Variants in NAA11 observed in about 807,000 individuals in gnomAD.
NAA11 encodes the protein N-alpha-acetyltransferase 11.
A neutral mutation model predicts 16.1 loss-of-function variants in NAA11; 15 were observed. The observed-to-expected ratio is 0.93, with a 90% CI of 0.62 to 1.44. NAA11 has a LOEUF of 1.44. NAA11 is among the 40% of genes most tolerant of loss of function. The probability of loss-of-function intolerance (pLI) is 0.00; values close to 1 mark genes in which losing one functional copy is unlikely to be tolerated. For synonymous variants in NAA11, 122 were observed against 112.4 expected (o/e 1.09, Z -0.54); for missense variants, 298 against 291.3 (o/e 1.02, Z -0.17).
chr4:79,166,896 C>T, the NAA11 span, among the ~76,000 whole-genome samples: 1 of 146,534 alleles, frequency 6.8e-6, no homozygotes, highest in Non-Finnish European at 1.5e-5. Flanking sequence ...CAGGCATGAG[C>T]CACCATGCCT....
chr4:79,250,208 C>T (rs553259247), intron 2 of NAA11, among the ~76,000 whole-genome samples: 52 of 151,352 alleles, frequency 3.4e-4, no homozygotes, highest in Admixed American at 5.2e-4. Flanking sequence ...TGGGCATGCA[C>T]GGAGATGCAG....
chr4:79,242,690 TG>T (rs1721724528), intron 2 of NAA11, among the ~76,000 whole-genome samples: 1 of 152,228 alleles, frequency 6.6e-6, no homozygotes, highest in Non-Finnish European at 1.5e-5. Flanking sequence ...CTATGAGATT[TG>T]GAAAAAAGGA....
At chr4:79,275,717 T>C (rs1463779413) in intron 2 of NAA11, among the ~76,000 whole-genome samples, 2 of 152,090 alleles carry the variant, frequency 1.3e-5, no homozygotes, top group African/African-American at 4.8e-5. Flanking sequence ...AAGGCTTTAG[T>C]TTCCTAGGGA....
At chr4:79,287,658 CAT>C (rs1008915197) in intron 2 of NAA11, among the ~76,000 whole-genome samples, 3 of 151,192 alleles carry the variant, frequency 2.0e-5, no homozygotes, top group Non-Finnish European at 1.5e-5. Flanking sequence ...GAATGACTGG[CAT>C]GTGTGTGTGT....
intron 2 of NAA11, among the ~76,000 whole-genome samples, chr4:79,266,916 T>G (rs935628279): frequency 2.6e-5 from 4 of 152,224 alleles, no homozygotes; most frequent in Admixed American, 2.0e-4. Flanking sequence ...AGTAAGGTCT[T>G]TTTAAATAAC....
intron 2 of NAA11, among the ~76,000 whole-genome samples, chr4:79,263,635 C>T (rs1259127602): frequency 6.6e-6 from 1 of 152,108 alleles, no homozygotes; most frequent in Non-Finnish European, 1.5e-5. Context: ...TATCAAAAAA[C>T]ACTTTCTCCT....
chr4:79,252,898 C>T (rs1722027477), intron 2 of NAA11, among the ~76,000 whole-genome samples: 1 of 152,122 alleles, frequency 6.6e-6, no homozygotes. Context: ...ATGATATATA[C>T]TTTCAAAAAG....
chr4:79,202,542 G>GCA, the NAA11 span, among the ~76,000 whole-genome samples: 13 of 45,660 alleles, frequency 2.8e-4, no homozygotes, highest in Non-Finnish European at 5.4e-4. Context: ...ACACACACAC[G>GCA]CACACACACA....
chr4:79,266,599 AGAAGCTGACG>A, intron 2 of NAA11, among the ~76,000 whole-genome samples: 1 of 152,324 alleles, frequency 6.6e-6, no homozygotes, highest in Admixed American at 6.5e-5. Context: ...AAGCTCTCAC[AGAAGCTGACG>A]GTTTTGCACT....
At position 79,238,280 on chromosome 4, in the gene NAA11, C is replaced by A. The variant is rs1036439178; in HGVS notation, c.*123-12010G>T. 3.4e-4 allele frequency among the ~76,000 whole-genome samples: 51 copies of A among 152,186 alleles called. 1 individual carries two copies. Among genetic ancestry groups the A allele is most frequent in the Non-Finnish European group, 2.5e-4 (17 of 68,040 alleles). ...CAATTTTCTGAATTAAAAAAGTAAACTATGATAATCCATGTGATTTAATTT... is the reference window on the plus strand; with the variant it reads ...CAATTTTCTGAATTAAAAAAGTAAAATATGATAATCCATGTGATTTAATTT... On this transcript the variant is annotated intron_variant and NMD_transcript_variant, in intron 2 of 2. Transcript: ENST00000511542.
chr4:79,181,983 GAACT>G, the NAA11 span, among the ~76,000 whole-genome samples: 1 of 152,128 alleles, frequency 6.6e-6, no homozygotes, highest in Non-Finnish European at 1.5e-5. Flanking sequence ...TGTGTTTTCT[GAACT>G]AATTGTTAAA....
At chr4:79,286,184 C>G (rs767952934) in intron 2 of NAA11, among the ~76,000 whole-genome samples, 2 of 151,896 alleles carry the variant, frequency 1.3e-5, no homozygotes, top group Non-Finnish European at 2.9e-5. Context: ...TTCTACGAAC[C>G]CACAATGGCT....
intron 2 of NAA11, among the ~76,000 whole-genome samples, chr4:79,288,773 A>C (rs769153492): frequency 1.3e-4 from 20 of 152,194 alleles, no homozygotes; most frequent in Non-Finnish European, 2.4e-4. Flanking sequence ...AAAATCATTT[A>C]AATTTCAGAA....
the NAA11 span, among the ~76,000 whole-genome samples, chr4:79,194,847 G>C: frequency 6.6e-6 from 1 of 151,888 alleles, no homozygotes; most frequent in Non-Finnish European, 1.5e-5. Context: ...CCTATTTTAT[G>C]ATGAAAAAAA....
At chr4:79,193,198 T>C in the NAA11 span, among the ~76,000 whole-genome samples, 1 of 152,210 alleles carries the variant, frequency 6.6e-6, no homozygotes, top group Non-Finnish European at 1.5e-5. Flanking sequence ...GATGGTAGTT[T>C]CTTTTGCTGT....
chr4:79,263,112 GACA>G (rs1207586910), intron 2 of NAA11, among the ~76,000 whole-genome samples: 1 of 152,082 alleles, frequency 6.6e-6, no homozygotes, highest in African/African-American at 2.4e-5. Context: ...GGATCAAAAA[GACA>G]ACAAGAAAAA....
At chr4:79,175,743 TAA>T in the NAA11 span, among the ~76,000 whole-genome samples, 888 of 123,428 alleles carry the variant, frequency 7.2e-3, 16 homozygotes, top group Admixed American at 0.042. Context: ...GTAATCACTG[TAA>T]AAAAAAAAAA....
At chr4:79,165,294 A>C in the NAA11 span, among the ~76,000 whole-genome samples, 105,641 of 152,080 alleles carry the variant, frequency 0.69, 40,476 homozygotes, top group East Asian at 1. Context: ...TCTCCCCAAG[A>C]CCTGCAATGA....
At chr4:79,316,418 A>G (rs375544612), downstream of NAA11, among the ~76,000 whole-genome samples, 6 of 152,172 alleles carry the variant, frequency 3.9e-5, no homozygotes, top group Non-Finnish European at 8.8e-5. Flanking sequence ...GCAATCATTT[A>G]CCATTAGGCA....
Sources: allele counts gnomAD v4.1 joint callset (sites outside exome capture counted in the v4.1 genomes callset), GRCh38; gene constraint gnomAD v4.1.1; transcripts MANE v1.5; gene names NCBI Gene and HGNC (gene_info 2026-07-23, HGNC 2026-07-21).